The following PDE4D variants were observed in gnomAD, a reference collection of about 807,000 sequenced individuals.
PDE4D encodes 3',5'-cyclic-AMP phosphodiesterase 4D.
PDE4D carries 24 observed loss-of-function variants against 87.4 expected under a neutral mutation model. That is an observed-to-expected ratio of 0.27 (90% CI 0.20 to 0.39). The LOEUF is 0.39. Ranked by LOEUF, PDE4D falls within the 10% of genes least tolerant of loss-of-function variation. The pLI, the probability that PDE4D is intolerant of heterozygous loss-of-function variation, is 1.00. For missense variants in PDE4D, 714 were observed against 1,041.0 expected, an observed-to-expected ratio of 0.69 and a Z score of 4.32; for synonymous variants, 384 against 383.2, an observed-to-expected ratio of 1.00 and a Z score of -0.02.
At chr5:60,120,571 A>C (rs1235341597) in intron 2 of PDE4D, among the ~76,000 whole-genome samples, 1 of 151,784 alleles carries the variant, frequency 6.6e-6, no homozygotes, top group Non-Finnish European at 1.5e-5. Flanking sequence ...GCAGAACTTC[A>C]CTCCCATGGA....
At chr5:59,340,021 C>T (rs945512333) in intron 1 of PDE4D, among the ~76,000 whole-genome samples, 1 of 151,382 alleles carries the variant, frequency 6.6e-6, no homozygotes, top group Non-Finnish European at 1.5e-5. Context: ...AGTCTTCTCA[C>T]CCTCTCTGGA....
At chr5:59,589,839 C>T (rs1825677639) in intron 1 of PDE4D, among the ~76,000 whole-genome samples, 1 of 152,114 alleles carries the variant, frequency 6.6e-6, no homozygotes, top group Admixed American at 6.5e-5. Context: ...ACTAAGAGGA[C>T]ATTTTAGCTG....
At chr5:59,788,299 G>A (rs1158857128) in intron 1 of PDE4D, among the ~76,000 whole-genome samples, 8 of 152,184 alleles carry the variant, frequency 5.3e-5, no homozygotes, top group Non-Finnish European at 4.4e-5. Context: ...GACCTCTTTG[G>A]AGAGAGCTCC....
intron 1 of PDE4D, among the ~76,000 whole-genome samples, chr5:59,682,515 T>A (rs1173830867): frequency 6.6e-6 from 1 of 152,178 alleles, no homozygotes; most frequent in African/African-American, 2.4e-5. Flanking sequence ...GCCTCCAAAT[T>A]CATATGTTGA....
chr5:59,948,719 G>A (rs1757958707), intron 3 of PDE4D, among the ~76,000 whole-genome samples: 1 of 152,178 alleles, frequency 6.6e-6, no homozygotes, highest in Non-Finnish European at 1.5e-5. Flanking sequence ...CAACTTACTT[G>A]GGAAGGCAAA....
intron 1 of PDE4D, among the ~76,000 whole-genome samples, chr5:59,256,387 C>T (rs1408599628): frequency 6.6e-6 from 1 of 152,034 alleles, no homozygotes; most frequent in Non-Finnish European, 1.5e-5. Context: ...TGTTTGAATT[C>T]ATTATGTGGC....
In PDE4D at chr5:60,026,316, A is replaced by C. The variant is rs530281471; in HGVS notation, c.43-37599T>G. On this transcript the variant is annotated intron_variant, in intron 2 of 16. Transcript: ENST00000502484. ...CCCAGACAAGTAGACAAGTGCTCCA[A>C]TGACTCAGCAGTAAGATAGACACAT... Among the ~76,000 whole-genome samples the C allele has an allele frequency of 2.6e-5, 4 of 152,272 alleles. No individual in the cohort carries two copies. In the South Asian group the frequency reaches 8.3e-4, roughly 32 times the overall value.
In PDE4D at chr5:59,185,395, C is replaced by G. The variant is rs74523644; in HGVS notation, c.685-133G>C. Reference sequence around the variant, plus strand: ...TATACCACTAAAGAATCTCCCAACACTTAGTGCAGTTTGTAGGTATCCACA... The same window carrying G: ...TATACCACTAAAGAATCTCCCAACAGTTAGTGCAGTTTGTAGGTATCCACA... On this transcript the variant is annotated intron_variant, in intron 3 of 14. Coordinates refer to ENST00000340635, the MANE Select transcript of PDE4D (RefSeq NM_001104631.2). The G allele has an allele frequency of 1.6e-3, 998 of 627,712 alleles. 2 individuals are homozygous for G. Among genetic ancestry groups the G allele is most frequent in the Middle Eastern group, 4.8e-3 (12 of 2,524 alleles). The allele number at this position is 627,712 out of a possible 1,614,324, so 38.9% of individuals were successfully genotyped here. A position where few individuals can be genotyped will look rare whatever the true frequency, so the allele number is the denominator to read the frequency against.
At chr5:59,059,985 G>T (rs1196841641) in intron 5 of PDE4D, among the ~76,000 whole-genome samples, 1 of 152,082 alleles carries the variant, frequency 6.6e-6, no homozygotes, top group Non-Finnish European at 1.5e-5. Flanking sequence ...AGCCTCCTTG[G>T]TTGCCAGGTG....
chr5:59,300,021 A>G (rs1398243435), intron 1 of PDE4D, among the ~76,000 whole-genome samples: 1 of 147,510 alleles, frequency 6.8e-6, no homozygotes, highest in African/African-American at 2.5e-5. Flanking sequence ...CTGAGGCAGG[A>G]GAATCGCTTG....
intron 1 of PDE4D, among the ~76,000 whole-genome samples, chr5:59,704,085 G>A (rs899971844): frequency 6.6e-6 from 1 of 152,132 alleles, no homozygotes; most frequent in Non-Finnish European, 1.5e-5. Context: ...TTCAAGGAGT[G>A]CGAGGGAGGT....
chr5:60,050,807 C>G (rs1441155252), intron 2 of PDE4D, among the ~76,000 whole-genome samples: 1 of 152,124 alleles, frequency 6.6e-6, no homozygotes, highest in Non-Finnish European at 1.5e-5. Context: ...CGTGCAACAA[C>G]ACACATAGGC....
chr5:59,019,127 T>C (rs906547405), intron 6 of PDE4D, among the ~76,000 whole-genome samples: 2 of 152,104 alleles, frequency 1.3e-5, no homozygotes, highest in Admixed American at 1.3e-4. Context: ...CTGTCCATTA[T>C]TCAGGTTTAG....
intron 1 of PDE4D, among the ~76,000 whole-genome samples, chr5:60,289,880 C>T (rs1752737240): frequency 6.6e-6 from 1 of 152,184 alleles, no homozygotes; most frequent in South Asian, 2.1e-4. Flanking sequence ...CTTAGAGACA[C>T]TGCAATTTTG....
At chr5:59,575,205 A>T (rs1489671170) in intron 1 of PDE4D, among the ~76,000 whole-genome samples, 2 of 152,170 alleles carry the variant, frequency 1.3e-5, no homozygotes, top group African/African-American at 2.4e-5. Flanking sequence ...ACAGTGAAAG[A>T]TGTATAAAAA....
chr5:59,089,095 T>C (rs922224296), intron 5 of PDE4D, among the ~76,000 whole-genome samples: 1 of 152,218 alleles, frequency 6.6e-6, no homozygotes, highest in African/African-American at 2.4e-5. Context: ...CCTATTAATC[T>C]ATACTTCTAT....
intron 2 of PDE4D, among the ~76,000 whole-genome samples, chr5:60,149,921 T>TAA (rs1239419100): frequency 6.8e-6 from 1 of 147,220 alleles, no homozygotes; most frequent in Non-Finnish European, 1.5e-5. Context: ...AATTTATATA[T>TAA]AATCCTATAT....
chr5:60,390,431 C>A (rs576194886), intron 1 of PDE4D, among the ~76,000 whole-genome samples: 1 of 152,166 alleles, frequency 6.6e-6, no homozygotes, highest in Non-Finnish European at 1.5e-5. Context: ...ATTCCTTACC[C>A]TTTGAAAAGT....
chr5:60,351,433 G>A lies in PDE4D; in HGVS notation c.-90+136509C>T, dbSNP rs144630557. Among the ~76,000 whole-genome samples, 528 of 152,260 alleles carry A rather than the reference G, an allele frequency of 3.5e-3. 3 individuals are homozygous for A. Among genetic ancestry groups the A allele is most frequent in the African/African-American group, 0.012 (494 of 41,552 alleles). The stretch of plus-strand genomic sequence containing the variant: ...GAGATGTAAGAGGAAATATTGCATG[G>A]GCCTCTGGGGAAGGAGAGTACTTCT... On this transcript the variant is annotated intron_variant, in intron 1 of 16. Transcript: ENST00000502484.
Sources: gnomAD v4.1 joint callset for allele counts (sites outside exome capture counted in the v4.1 genomes callset) on GRCh38, gnomAD v4.1.1 for gene constraint, MANE v1.5 for transcripts, NCBI Gene and HGNC (gene_info 2026-07-23, HGNC 2026-07-21) for gene names.